Variants in BARD1 observed in about 807,000 individuals in gnomAD.
BARD1 encodes the protein BRCA1 associated RING domain 1, also known as BRCA1-associated RING domain protein 1.
Under a neutral mutation model 77.0 loss-of-function variants are expected in BARD1, and 73 were observed. That is an observed-to-expected ratio of 0.95 (90% CI 0.79 to 1.15). The LOEUF is 1.15. Ranked by LOEUF, BARD1 falls within the 50% of genes most tolerant of loss-of-function variation. The pLI is 0.00. For synonymous variants in BARD1, 384 were observed against 338.0 expected (o/e 1.14, Z -1.49); for missense variants, 993 against 938.8 (o/e 1.06, Z -0.75).
At chr2:214,739,356 T>C (rs1187125554) in intron 9 of BARD1, among the ~76,000 whole-genome samples, 1 of 152,188 alleles carries the variant, frequency 6.6e-6, no homozygotes, top group Non-Finnish European at 1.5e-5. Context: ...TAGGGATGTG[T>C]GTCACTCAAG....
At position 214,745,996 on chromosome 2, in the gene BARD1, A is replaced by G. The variant is rs535714212; in HGVS notation, c.1678-142T>C. On this transcript the variant is annotated intron_variant, in intron 7 of 10. Coordinates refer to ENST00000260947, the MANE Select transcript of BARD1 (RefSeq NM_000465.4). The stretch of plus-strand genomic sequence containing the variant: ...TTTCAATTATTTCCATTGAATCTAC[A>G]CCCAGAACCTTTTAAATAAATTTTT... 1.6e-5 allele frequency: 16 copies of G among 999,478 alleles called. No individual in the cohort carries two copies. In the East Asian group the frequency reaches 3.8e-4, roughly 24 times the overall value. 61.9% of individuals were successfully genotyped at this position (999,478 alleles called of 1,614,324 possible).
chr2:214,776,411 G>A (rs10195432), intron 4 of BARD1, among the ~76,000 whole-genome samples: 5,688 of 152,178 alleles, frequency 0.037, 239 homozygotes, highest in African/African-American at 0.11. Context: ...TTCTACTTAC[G>A]CACAAAGCTT....
rs1401955290 is a variant in BARD1 at position 214,780,829 on chromosome 2, T to G, written c.1045A>C (p.Lys349Gln). The G allele has an allele frequency of 3.7e-6, 6 of 1,614,122 alleles. No homozygotes were observed. In the Admixed American group the frequency reaches 5.0e-5, roughly 13 times the overall value. ...SILSTSGDFV[K>Q]QTVPSENIPL... The stretch of plus-strand genomic sequence containing the variant: ...ATATTTTCTGAGGGCACCGTTTGCT[T>G]AACAAAATCTCCACTGGTGCTCAGA... Residue 349 changes from lysine to glutamine, a missense_variant, in exon 4 of 11, where the codon AAG (lysine) becomes CAG (glutamine). Physicochemically the swap from Lys to Gln is moderately conservative, Grantham distance 53. Coordinates refer to ENST00000260947, the MANE Select transcript of BARD1 (RefSeq NM_000465.4).
intron 6 of BARD1, among the ~76,000 whole-genome samples, chr2:214,755,468 C>T (rs980577058): frequency 6.6e-6 from 1 of 151,108 alleles, no homozygotes; most frequent in African/African-American, 2.5e-5. Context: ...TAGAAAAACA[C>T]TGTCCTTGCC....
intron 6 of BARD1, among the ~76,000 whole-genome samples, chr2:214,758,929 T>C (rs1018319845): frequency 3.9e-5 from 6 of 152,132 alleles, no homozygotes; most frequent in Admixed American, 3.9e-4. Context: ...CAAAAACATA[T>C]GCAAAAAGGC....
intron 1 of BARD1, among the ~76,000 whole-genome samples, chr2:214,798,962 C>CA: frequency 6.6e-6 from 1 of 151,700 alleles, no homozygotes; most frequent in Non-Finnish European, 1.5e-5. Flanking sequence ...ACTAAAAATA[C>CA]AAAAATTAGC....
At chr2:214,740,809 C>T (rs1220229322) in intron 9 of BARD1, among the ~76,000 whole-genome samples, 1 of 151,890 alleles carries the variant, frequency 6.6e-6, no homozygotes, top group Non-Finnish European at 1.5e-5. Context: ...ACTATTAGAT[C>T]AAAGGATGTT....
chr2:214,741,491 T>A (rs1692826151), intron 9 of BARD1, among the ~76,000 whole-genome samples: 1 of 152,174 alleles, frequency 6.6e-6, no homozygotes, highest in African/African-American at 2.4e-5. Context: ...TCTATGAGAT[T>A]CGTAAGATGA....
chr2:214,762,894 C>T (rs1042201338), intron 6 of BARD1, among the ~76,000 whole-genome samples: 31 of 132,758 alleles, frequency 2.3e-4, no homozygotes, highest in African/African-American at 8.8e-4. Flanking sequence ...ACCCCCCTCC[C>T]ACCACTACTG....
intron 1 of BARD1, among the ~76,000 whole-genome samples, chr2:214,800,396 A>G (rs1695963537): frequency 1.3e-5 from 2 of 152,252 alleles, no homozygotes; most frequent in South Asian, 4.1e-4. Flanking sequence ...GGGAGTGCCA[A>G]ATTCAGTGGC....
chr2:214,778,889 G>T (rs1694851736), intron 4 of BARD1, among the ~76,000 whole-genome samples: 1 of 152,114 alleles, frequency 6.6e-6, no homozygotes, highest in Non-Finnish European at 1.5e-5. Flanking sequence ...GTAAATGCTT[G>T]CCTGATAGTC....
At chr2:214,755,889 T>C (rs1236527030) in intron 6 of BARD1, among the ~76,000 whole-genome samples, 2 of 152,204 alleles carry the variant, frequency 1.3e-5, no homozygotes, top group East Asian at 3.8e-4. Context: ...AAAACTATTT[T>C]GGAATATATG....
In BARD1 at chr2:214,800,296, G is replaced by C. The variant is rs150013740; in HGVS notation, c.159-3179C>G. 2.6e-5 allele frequency among the ~76,000 whole-genome samples: 4 copies of C among 152,348 alleles called. No individual in the cohort carries two copies. In the East Asian group the frequency reaches 7.7e-4, roughly 29 times the overall value. On this transcript the variant is annotated intron_variant, in intron 1 of 10. Coordinates refer to ENST00000260947, the MANE Select transcript of BARD1 (RefSeq NM_000465.4). ...GTGTTGCTGTTAACGGATAAGGAAA[G>C]ATAATGGAAATGTGAATGAGAAGTA...
chr2:214,750,715 G>A (rs1421773597), intron 7 of BARD1, among the ~76,000 whole-genome samples: 1 of 152,140 alleles, frequency 6.6e-6, no homozygotes, highest in East Asian at 1.9e-4. Flanking sequence ...CACAGGGGAA[G>A]TCCACGGAAA....
At chr2:214,756,239 T>C (rs1456413290) in intron 6 of BARD1, among the ~76,000 whole-genome samples, 9 of 152,038 alleles carry the variant, frequency 5.9e-5, no homozygotes, top group Admixed American at 5.2e-4. Flanking sequence ...TAAAAGGGTG[T>C]AGCACTAATG....
At chr2:214,795,627 G>C (rs949748522) in intron 2 of BARD1, among the ~76,000 whole-genome samples, 1 of 152,144 alleles carries the variant, frequency 6.6e-6, no homozygotes, top group Admixed American at 6.6e-5. Flanking sequence ...ATAATACAAT[G>C]ATGGCTTGGA....
intron 6 of BARD1, 33 bp from the exon 7 acceptor site, chr2:214,752,588 G>C (rs757393887): frequency 6.6e-7 from 1 of 1,512,592 alleles, no homozygotes. Context: ...GTTTAAGTAA[G>C]TCAAATGTGT....
chr2:214,730,312 G>A (rs1692292023), intron 10 of BARD1, 99 bp downstream of exon 10: 2 of 1,007,164 alleles, frequency 2.0e-6, no homozygotes, highest in Non-Finnish European at 3.1e-6. Context: ...ATTTTAATCA[G>A]TCACCTGTAG....
At chr2:214,808,198 A>G (rs1358668029) in intron 1 of BARD1, among the ~76,000 whole-genome samples, 2 of 152,178 alleles carry the variant, frequency 1.3e-5, no homozygotes, top group African/African-American at 4.8e-5. Context: ...TCACGAGGTC[A>G]GGAGACGGAG....
Sources: allele counts gnomAD v4.1 joint callset (sites outside exome capture counted in the v4.1 genomes callset), GRCh38; gene constraint gnomAD v4.1.1; transcripts MANE v1.5; gene names NCBI Gene and HGNC (gene_info 2026-07-23, HGNC 2026-07-21).